Variants in PUDP observed in about 807,000 individuals in gnomAD.
PUDP encodes pseudouridine 5'-phosphatase.
In PUDP, 8 loss-of-function variants were observed where a neutral mutation model predicts 9.4. The ratio of observed to expected loss-of-function variants is 0.85; its 90% CI spans 0.50 to 1.53. The LOEUF (loss-of-function observed/expected upper bound fraction) is 1.53, where lower values mean the gene tolerates loss of function less well. Ranked by LOEUF, PUDP falls within the 40% of genes most tolerant of loss-of-function variation. The probability of loss-of-function intolerance (pLI) is 0.00; values close to 1 mark genes in which losing one functional copy is unlikely to be tolerated. For missense variants in PUDP, 188 were observed against 189.7 expected, an observed-to-expected ratio of 0.99 and a Z score of 0.05; for synonymous variants, 99 against 80.7, an observed-to-expected ratio of 1.23 and a Z score of -1.22.
intron 2 of PUDP, among the ~76,000 whole-genome samples, chrX:7,081,618 C>A (rs1389463768): frequency 8.9e-6 from 1 of 112,588 alleles, no homozygotes; most frequent in African/African-American, 3.2e-5. Flanking sequence ...CTGCTTTACA[C>A]CACCACAACA....
intron 3 of PUDP, among the ~76,000 whole-genome samples, chrX:6,776,145 G>A (rs555555751): frequency 9.0e-6 from 1 of 111,275 alleles, no homozygotes; most frequent in South Asian, 3.8e-4. Flanking sequence ...CTGCAACCAA[G>A]GACGGCCTTA....
rs568339965 is a variant in PUDP, at chrX:6,728,121, G to A, written c.*248-21655C>T. Among the ~76,000 whole-genome samples, 77 of 111,035 alleles carry A rather than the reference G, an allele frequency of 6.9e-4. 3 individuals are homozygous for A. In the South Asian group the frequency reaches 0.028, roughly 40 times the overall value. Reference sequence around the variant, plus strand: ...AAAAGGCATGTGTTACATGGTGGCAGACAAGAGAGAATGAGAACCAAGGAA... The same window carrying A: ...AAAAGGCATGTGTTACATGGTGGCAAACAAGAGAGAATGAGAACCAAGGAA... On this transcript the variant is annotated intron_variant and NMD_transcript_variant, in intron 3 of 3. Transcript: ENST00000655425.
intron 1 of PUDP, among the ~76,000 whole-genome samples, chrX:7,116,232 G>A (rs185661178): frequency 0.035 from 3,942 of 111,412 alleles, 144 homozygotes; most frequent in African/African-American, 0.12. Flanking sequence ...GGGGCTGGGG[G>A]TGGCTCACTA....
Position 7,116,822 on chromosome X carries a change from G to A in PUDP, c.62-10984C>T, listed in dbSNP as rs141083872. The A allele has an allele frequency of 1.5e-4, 142 of 948,105 alleles. No individual in the cohort carries two copies. The highest frequency in any genetic ancestry group is 1.7e-4 in the Non-Finnish European group (121 of 708,772). 78.1% of individuals were successfully genotyped at this position (948,105 alleles called of 1,213,427 possible). ...TACTGATCATGGGGGCAGATCCTTCGCTTGGGCCATCCTCCACTTGGTGAT... is the reference window on the plus strand; with the variant it reads ...TACTGATCATGGGGGCAGATCCTTCACTTGGGCCATCCTCCACTTGGTGAT... On this transcript the variant is annotated intron_variant, in intron 1 of 3. Transcript: ENST00000381077.
intron 1 of PUDP, among the ~76,000 whole-genome samples, chrX:7,125,195 C>T (rs891471197): frequency 9.0e-6 from 1 of 111,394 alleles, no homozygotes; most frequent in Non-Finnish European, 1.9e-5. Flanking sequence ...TGAAAACAAA[C>T]CCCAGCATGC....
upstream of PUDP, among the ~76,000 whole-genome samples, chrX:6,724,110 G>A (rs561115440): frequency 3.2e-4 from 35 of 110,882 alleles, 1 homozygote; most frequent in South Asian, 0.011. Flanking sequence ...TCCGTTAAAC[G>A]GCACTGCCTA....
At chrX:6,713,739 G>T (rs889044547) in intron 1 of PUDP, among the ~76,000 whole-genome samples, 3 of 110,813 alleles carry the variant, frequency 2.7e-5, no homozygotes, top group Admixed American at 1.9e-4. Flanking sequence ...AGGGCATAGG[G>T]TGTGGTCTGG....
At chrX:6,934,364 T>C (rs147496899) in intron 3 of PUDP, among the ~76,000 whole-genome samples, 1 of 106,207 alleles carries the variant, frequency 9.4e-6, no homozygotes, top group African/African-American at 3.5e-5. Flanking sequence ...AACCCAGAAT[T>C]TCATATCCAG....
At chrX:6,934,125 C>G (rs1391464753) in intron 3 of PUDP, among the ~76,000 whole-genome samples, 1 of 104,552 alleles carries the variant, frequency 9.6e-6, no homozygotes, top group East Asian at 3.0e-4. Flanking sequence ...TCAGGAAATA[C>G]AGAGAACGCC....
intron 1 of PUDP, among the ~76,000 whole-genome samples, chrX:7,122,455 G>A (rs139165344): frequency 1.4e-3 from 155 of 111,360 alleles, no homozygotes; most frequent in African/African-American, 3.7e-3. Context: ...TTTCCTTCTC[G>A]CTTTTCCTAC....
intron 1 of PUDP, among the ~76,000 whole-genome samples, chrX:7,021,057 T>G (rs950297653): frequency 1.8e-5 from 2 of 112,580 alleles, no homozygotes; most frequent in Non-Finnish European, 3.8e-5. Flanking sequence ...TCTCCTGACC[T>G]TCAGCATATA....
intron 3 of PUDP, among the ~76,000 whole-genome samples, chrX:6,849,670 C>G (rs1363566379): frequency 8.9e-6 from 1 of 112,008 alleles, no homozygotes; most frequent in Non-Finnish European, 1.9e-5. Flanking sequence ...AAAGCCAATT[C>G]TAATTTTCTT....
At chrX:7,131,566 T>G (rs1199933435) in intron 1 of PUDP, among the ~76,000 whole-genome samples, 1 of 109,967 alleles carries the variant, frequency 9.1e-6, no homozygotes, top group Non-Finnish European at 1.9e-5. Context: ...GCTGATATCC[T>G]GACTTCCAAC....
intron 3 of PUDP, among the ~76,000 whole-genome samples, chrX:6,940,955 T>G (rs922785746): frequency 8.9e-6 from 1 of 112,229 alleles, no homozygotes; most frequent in Non-Finnish European, 1.9e-5. Context: ...ACCTTATATA[T>G]TATTTTAAAG....
At chrX:6,864,054 G>A (rs753428303) in intron 3 of PUDP, among the ~76,000 whole-genome samples, 1 of 111,257 alleles carries the variant, frequency 9.0e-6, no homozygotes, top group Non-Finnish European at 1.9e-5. Context: ...CACATGTAGT[G>A]AGTGGCCACC....
At chrX:6,719,108 A>G (rs1300496582) in intron 1 of PUDP, among the ~76,000 whole-genome samples, 1 of 111,154 alleles carries the variant, frequency 9.0e-6, no homozygotes, top group Non-Finnish European at 1.9e-5. Flanking sequence ...ATGACAAACT[A>G]CCACAGACGG....
Position 6,873,856 on chromosome X carries a change from C to T in PUDP, c.*247+103277G>A, listed in dbSNP as rs143081267. ...GTTGTTTATCCATTAAGCAAAAACACTAATCAGAAAAATTAAGGTTTAAAC... is the reference window on the plus strand; with the variant it reads ...GTTGTTTATCCATTAAGCAAAAACATTAATCAGAAAAATTAAGGTTTAAAC... On this transcript the variant is annotated intron_variant and NMD_transcript_variant, in intron 3 of 3. Transcript: ENST00000655425. Among the ~76,000 whole-genome samples, 822 of 112,095 alleles carry T rather than the reference C, an allele frequency of 7.3e-3. 13 individuals carry two copies. The highest frequency in any genetic ancestry group is 0.025 in the African/African-American group (783 of 30,902).
At position 6,906,423 on chromosome X, in the gene PUDP, C is replaced by A. The variant is rs1050670000; in HGVS notation, c.*247+70710G>T. 2.7e-5 allele frequency among the ~76,000 whole-genome samples: 3 copies of A among 112,293 alleles called. No individual in the cohort carries two copies. In the East Asian group the frequency reaches 8.4e-4, roughly 31 times the overall value. ...TATGTATTCTCTCTGACCTCGCCCC[C>A]CAACCGTGTTTGCACTGAAAATTGC... On this transcript the variant is annotated intron_variant and NMD_transcript_variant, in intron 3 of 3. Transcript: ENST00000655425.
Position 6,902,678 on chromosome X carries a change from T to C in PUDP, c.*247+74455A>G, listed in dbSNP as rs1250296977. ...GGGTCTATGTGACTTGCTTGGGATG[T>C]CTTATCTATTTGGTGGTCTGGCTGG... On this transcript the variant is annotated intron_variant and NMD_transcript_variant, in intron 3 of 3. Transcript: ENST00000655425. Among the ~76,000 whole-genome samples the C allele has an allele frequency of 5.4e-5, 6 of 111,622 alleles. No individual in the cohort carries two copies. The Admixed American group carries it at 5.7e-4, about 11-fold the overall frequency.
Sources: allele counts gnomAD v4.1 joint callset (sites outside exome capture counted in the v4.1 genomes callset), GRCh38; gene constraint gnomAD v4.1.1; transcripts MANE v1.5; gene names NCBI Gene and HGNC (gene_info 2026-07-23, HGNC 2026-07-21).